The following SHISA6 variants were observed in gnomAD, a reference collection of about 807,000 sequenced individuals.
SHISA6 encodes protein shisa-6.
A neutral mutation model predicts 47.9 loss-of-function variants in SHISA6; 22 were observed. That is an observed-to-expected ratio of 0.46 (90% CI 0.33 to 0.66). The LOEUF (loss-of-function observed/expected upper bound fraction) is 0.66, where lower values mean the gene tolerates loss of function less well. Among genes scored for constraint, SHISA6 ranks in the 30% least tolerant of loss-of-function variants. The probability of loss-of-function intolerance (pLI) is 0.02; values close to 1 mark genes in which losing one functional copy is unlikely to be tolerated. For missense variants in SHISA6, 680 were observed against 764.6 expected (o/e 0.89, Z 1.30); for synonymous variants, 388 against 337.8 (o/e 1.15, Z -1.63).
At chr17:11,269,424 A>G (rs1199804044) in intron 2 of SHISA6, among the ~76,000 whole-genome samples, 1 of 152,182 alleles carries the variant, frequency 6.6e-6, no homozygotes, top group East Asian at 1.9e-4. Flanking sequence ...GCAGCCAGGG[A>G]CTGGGAGCTT....
rs191098901 is a variant in SHISA6 at position 11,305,228 on chromosome 17, G to A, written c.799+41702G>A. On this transcript the variant is annotated intron_variant, in intron 2 of 5. Coordinates refer to ENST00000441885, the MANE Select transcript of SHISA6 (RefSeq NM_207386.4). The stretch of plus-strand genomic sequence containing the variant: ...TATACTGTTTACACTGAATAAGCAA[G>A]CATTCATGAAGCACCTAGGACATTG... Among the ~76,000 whole-genome samples, 15 of 152,296 alleles carry A rather than the reference G, an allele frequency of 9.8e-5. No individual in the cohort carries two copies. In the East Asian group the frequency reaches 2.7e-3, roughly 27 times the overall value.
intron 1 of SHISA6, among the ~76,000 whole-genome samples, chr17:11,250,258 C>A (rs1907750654): frequency 1.3e-5 from 2 of 152,176 alleles, no homozygotes; most frequent in Admixed American, 6.5e-5. Context: ...CCAGAGTGTT[C>A]ACTGTGCCTT....
intron 2 of SHISA6, among the ~76,000 whole-genome samples, chr17:11,329,314 A>G (rs1294608122): frequency 6.6e-6 from 1 of 152,158 alleles, no homozygotes; most frequent in Non-Finnish European, 1.5e-5. Flanking sequence ...AGAAATTTTT[A>G]CTAATTCCAA....
chr17:11,431,623 TG>T (rs1436241953), intron 3 of SHISA6, among the ~76,000 whole-genome samples: 1 of 152,194 alleles, frequency 6.6e-6, no homozygotes, highest in African/African-American at 2.4e-5. Flanking sequence ...GCATGTGAAT[TG>T]GTACCCATGT....
chr17:11,549,743 G>C (rs1000217852), intron 3 of SHISA6, among the ~76,000 whole-genome samples: 1 of 152,116 alleles, frequency 6.6e-6, no homozygotes, highest in Non-Finnish European at 1.5e-5. Flanking sequence ...AATGACCTGG[G>C]TTTCTCCCAT....
chr17:11,397,965 C>A (rs1913631249), intron 3 of SHISA6, among the ~76,000 whole-genome samples: 1 of 151,894 alleles, frequency 6.6e-6, no homozygotes, highest in Non-Finnish European at 1.5e-5. Context: ...TCAATTAATT[C>A]TTTTTAAATT....
intron 2 of SHISA6, among the ~76,000 whole-genome samples, chr17:11,340,901 A>G (rs1393327373): frequency 6.6e-6 from 1 of 152,242 alleles, no homozygotes; most frequent in Non-Finnish European, 1.5e-5. Flanking sequence ...GAAAGGATAC[A>G]GATTGGATCT....
chr17:11,316,072 A>G (rs1186572012), intron 2 of SHISA6, among the ~76,000 whole-genome samples: 2 of 152,134 alleles, frequency 1.3e-5, no homozygotes, highest in South Asian at 2.1e-4. Flanking sequence ...TGCTACTGAC[A>G]CATTAATTTT....
chr17:11,259,585 G>C (rs1257110623), intron 1 of SHISA6, among the ~76,000 whole-genome samples: 3 of 152,214 alleles, frequency 2.0e-5, no homozygotes, highest in African/African-American at 7.2e-5. Flanking sequence ...TTAAAATGTT[G>C]ACTGGGCTTG....
At chr17:11,392,095 C>T (rs1222887965) in intron 3 of SHISA6, among the ~76,000 whole-genome samples, 2 of 152,200 alleles carry the variant, frequency 1.3e-5, no homozygotes, top group African/African-American at 4.8e-5. Flanking sequence ...GGGGCCAGAG[C>T]TCATAAAGTA....
intron 3 of SHISA6, among the ~76,000 whole-genome samples, chr17:11,509,735 G>C (rs963750195): frequency 2.0e-5 from 3 of 152,226 alleles, no homozygotes; most frequent in Non-Finnish European, 2.9e-5. Context: ...AATGGAGTGA[G>C]TTGGGCGGCA....
At chr17:11,355,838 TC>T (rs1373647069) in intron 2 of SHISA6, among the ~76,000 whole-genome samples, 2 of 152,168 alleles carry the variant, frequency 1.3e-5, no homozygotes, top group Non-Finnish European at 2.9e-5. Flanking sequence ...CAACAGATAA[TC>T]CTTTTATTCC....
intron 2 of SHISA6, among the ~76,000 whole-genome samples, chr17:11,349,810 CA>C (rs1201598468): frequency 1.3e-5 from 2 of 152,040 alleles, no homozygotes; most frequent in African/African-American, 4.8e-5. Context: ...AGTTTCAAAG[CA>C]ATAGGTTGGA....
At chr17:11,322,894 G>T (rs971372693) in intron 2 of SHISA6, among the ~76,000 whole-genome samples, 1 of 152,190 alleles carries the variant, frequency 6.6e-6, no homozygotes, top group Non-Finnish European at 1.5e-5. Flanking sequence ...GTGCTTAGTT[G>T]AGGAGAAAAT....
chr17:11,430,668 T>C (rs1914745521), intron 3 of SHISA6, among the ~76,000 whole-genome samples: 1 of 152,154 alleles, frequency 6.6e-6, no homozygotes, highest in Non-Finnish European at 1.5e-5. Context: ...TTACCTTGGC[T>C]GACCTGGGCT....
intron 3 of SHISA6, among the ~76,000 whole-genome samples, chr17:11,532,831 C>G (rs1450248001): frequency 2.7e-5 from 4 of 149,484 alleles, no homozygotes; most frequent in Non-Finnish European, 5.9e-5. Flanking sequence ...ACAGTGATCT[C>G]CAGGGTCTCC....
intron 3 of SHISA6, among the ~76,000 whole-genome samples, chr17:11,525,944 G>A (rs2071675824): frequency 6.6e-6 from 1 of 151,950 alleles, no homozygotes; most frequent in East Asian, 2.0e-4. Flanking sequence ...AGGAGGTTGA[G>A]GCTTCAGTAA....
rs150817759 is a variant in SHISA6, at chr17:11,551,754, C to T, written c.896-142C>T. 2.0e-4 allele frequency: 142 copies of T among 699,552 alleles called. No homozygotes were observed. In the African/African-American group the frequency reaches 2.3e-3, roughly 11 times the overall value. The allele number at this position is 699,552 out of a possible 1,614,324, so 43.3% of individuals were successfully genotyped here. ...CAGCAGGGGACGTTTCTTGGAGCCTCATACAATGACCTCTGCCTTTCTTAG... is the reference window on the plus strand; with the variant it reads ...CAGCAGGGGACGTTTCTTGGAGCCTTATACAATGACCTCTGCCTTTCTTAG... On this transcript the variant is annotated intron_variant, in intron 3 of 5. Transcript: ENST00000441885.
chr17:11,242,829 C>T (rs185968920), intron 1 of SHISA6, among the ~76,000 whole-genome samples: 24 of 152,290 alleles, frequency 1.6e-4, no homozygotes, highest in Middle Eastern at 3.4e-3. Context: ...ATGGCAGTCC[C>T]TGGTTGCACG....
Sources: gnomAD v4.1 joint callset for allele counts (sites outside exome capture counted in the v4.1 genomes callset) on GRCh38, gnomAD v4.1.1 for gene constraint, MANE v1.5 for transcripts, NCBI Gene and HGNC (gene_info 2026-07-23, HGNC 2026-07-21) for gene names.